The following CNTLN variants were observed in gnomAD, a reference collection of about 807,000 sequenced individuals.
The protein encoded by CNTLN is centlein, also known as centlein, centrosomal protein.
In CNTLN, 212 loss-of-function variants were observed where a neutral mutation model predicts 180.0. The observed-to-expected ratio is 1.18, with a 90% CI of 1.05 to 1.32. CNTLN has a LOEUF of 1.32. CNTLN is among the 40% of genes most tolerant of loss of function. CNTLN has a pLI of 0.00. For synonymous variants in CNTLN, 722 were observed against 563.1 expected, an observed-to-expected ratio of 1.28 and a Z score of -3.99; for missense variants, 2,095 against 1,610.9, an observed-to-expected ratio of 1.30 and a Z score of -5.14.
intron 2 of CNTLN, among the ~76,000 whole-genome samples, chr9:17,216,706 C>G (rs187850721): frequency 2.6e-5 from 4 of 152,282 alleles, no homozygotes; most frequent in African/African-American, 9.6e-5. Context: ...TATTCTCTCA[C>G]TACTGGGACC....
At chr9:17,344,157 T>A (rs1333360757) in intron 12 of CNTLN, among the ~76,000 whole-genome samples, 1 of 152,148 alleles carries the variant, frequency 6.6e-6, no homozygotes, top group Non-Finnish European at 1.5e-5. Flanking sequence ...GGAGTTTATT[T>A]TATTTGTTAA....
chr9:17,280,453 C>A (rs964612539), intron 6 of CNTLN, among the ~76,000 whole-genome samples: 1 of 151,646 alleles, frequency 6.6e-6, no homozygotes, highest in African/African-American at 2.4e-5. Context: ...TTATCTTTTT[C>A]ATTTCATTCA....
chr9:17,452,204 G>A (rs563470167), intron 18 of CNTLN, among the ~76,000 whole-genome samples: 2 of 152,190 alleles, frequency 1.3e-5, no homozygotes, highest in East Asian at 1.9e-4. Context: ...TCATTATTGG[G>A]CCTGAAGAAT....
intron 2 of CNTLN, among the ~76,000 whole-genome samples, chr9:17,186,337 T>G (rs1284512535): frequency 6.6e-6 from 1 of 152,146 alleles, no homozygotes; most frequent in African/African-American, 2.4e-5. Flanking sequence ...ACTGGGTAGT[T>G]GTCATGTTAA....
At chr9:17,384,968 C>T (rs113589000) in intron 13 of CNTLN, among the ~76,000 whole-genome samples, 34 of 152,168 alleles carry the variant, frequency 2.2e-4, no homozygotes, top group African/African-American at 7.0e-4. Context: ...ATTTTAGATC[C>T]CAGTCACAAG....
intron 20 of CNTLN, 66 bp downstream of exon 20, chr9:17,463,079 G>T (rs1278121278): frequency 4.5e-6 from 4 of 884,728 alleles, no homozygotes; most frequent in Non-Finnish European, 7.1e-6. Context: ...TCTATTAAAC[G>T]TGCTCCAAGA....
chr9:17,466,225 C>T lies in CNTLN; in HGVS notation c.3669+107C>T, dbSNP rs116080053. The stretch of plus-strand genomic sequence containing the variant: ...TTCCCAAAACCACAAGCTACTTAAA[C>T]ACTTCAGATAAGTGCAAAGAGGATT... On this transcript the variant is annotated intron_variant, in intron 22 of 25. Coordinates refer to ENST00000380647, the MANE Select transcript of CNTLN (RefSeq NM_017738.4). The T allele has an allele frequency of 6.8e-3, 6,189 of 904,880 alleles. 270 individuals carry two copies. The African/African-American group carries it at 0.094, about 14-fold the overall frequency. The allele number at this position is 904,880 out of a possible 1,614,324, so 56.1% of individuals were successfully genotyped here.
rs1193756949 is a variant in CNTLN at position 17,330,935 on chromosome 9, T to G, written c.1518+127T>G. The G allele has an allele frequency of 3.9e-6, 3 of 776,208 alleles. No individual in the cohort carries two copies. The African/African-American group carries it at 5.4e-5, about 14-fold the overall frequency. 48.1% of individuals were successfully genotyped at this position (776,208 alleles called of 1,614,324 possible). ...TTCGGGAAACTTTTGAAAAATATTA[T>G]GTACCGAACTCTTGTTAAATAAGTT... is the stretch of plus-strand genomic sequence containing the variant. On this transcript the variant is annotated intron_variant, in intron 9 of 25. Transcript: ENST00000380647.
intron 8 of CNTLN, among the ~76,000 whole-genome samples, chr9:17,310,241 T>C (rs1302253005): frequency 6.6e-6 from 1 of 152,146 alleles, no homozygotes; most frequent in African/African-American, 2.4e-5. Flanking sequence ...CCAAACTTCT[T>C]ATCATTTTGA....
chr9:17,345,199 A>G (rs1587719167), intron 12 of CNTLN, among the ~76,000 whole-genome samples: 1 of 152,084 alleles, frequency 6.6e-6, no homozygotes, highest in Non-Finnish European at 1.5e-5. Flanking sequence ...CATAACTTTT[A>G]TTTTTTAAGG....
chr9:17,198,528 T>G (rs1822289161), intron 2 of CNTLN, among the ~76,000 whole-genome samples: 1 of 150,216 alleles, frequency 6.7e-6, no homozygotes, highest in African/African-American at 2.4e-5. Context: ...TGGGATTACT[T>G]TCTTGATTTT....
chr9:17,348,751 G>C (rs1383882951), intron 12 of CNTLN, among the ~76,000 whole-genome samples: 1 of 151,946 alleles, frequency 6.6e-6, no homozygotes. Context: ...GACTGGTCTT[G>C]AGCTCTGACC....
intron 23 of CNTLN, among the ~76,000 whole-genome samples, chr9:17,482,160 C>A (rs920923416): frequency 6.6e-6 from 1 of 151,970 alleles, no homozygotes; most frequent in Non-Finnish European, 1.5e-5. Context: ...GTTCAGTCAA[C>A]TATGAGAAAA....
chr9:17,436,360 A>G (rs1375042044), intron 18 of CNTLN, among the ~76,000 whole-genome samples: 1 of 152,236 alleles, frequency 6.6e-6, no homozygotes, highest in Non-Finnish European at 1.5e-5. Context: ...TTTCCTTTTT[A>G]GAATTTGAGC....
chr9:17,344,517 G>A (rs933037845), intron 12 of CNTLN, among the ~76,000 whole-genome samples: 3 of 152,082 alleles, frequency 2.0e-5, no homozygotes, highest in African/African-American at 4.8e-5. Context: ...TGAGCGCTGT[G>A]TGATAGTCAG....
chr9:17,365,250 C>T (rs1823716558), intron 12 of CNTLN, among the ~76,000 whole-genome samples: 1 of 152,112 alleles, frequency 6.6e-6, no homozygotes. Context: ...TGTGTAGCAC[C>T]TCCCTCTGTG....
At chr9:17,335,480 G>A (rs1587691345) in intron 10 of CNTLN, among the ~76,000 whole-genome samples, 1 of 151,958 alleles carries the variant, frequency 6.6e-6, no homozygotes, top group Non-Finnish European at 1.5e-5. Context: ...TCGTACCACT[G>A]CACTCCAGCC....
chr9:17,231,447 G>C lies in CNTLN; in HGVS notation c.535-4211G>C, dbSNP rs150027366. ...TTTTTTTGGGTAAGACTATGTTTTA[G>C]CTTTGTCACTGTTATAAAACAATGT... On this transcript the variant is annotated intron_variant, in intron 3 of 25. Coordinates refer to ENST00000380647, the MANE Select transcript of CNTLN (RefSeq NM_017738.4). Among the ~76,000 whole-genome samples the C allele has an allele frequency of 5.7e-3, 866 of 151,856 alleles. 9 individuals carry two copies. Among genetic ancestry groups the C allele is most frequent in the African/African-American group, 0.02 (831 of 41,428 alleles).
chr9:17,304,366 C>G (rs1485038174), intron 7 of CNTLN, among the ~76,000 whole-genome samples: 1 of 152,080 alleles, frequency 6.6e-6, no homozygotes, highest in Non-Finnish European at 1.5e-5. Flanking sequence ...TATATCTGCA[C>G]CTTTATATAT....
Sources: allele counts gnomAD v4.1 joint callset (sites outside exome capture counted in the v4.1 genomes callset), GRCh38; gene constraint gnomAD v4.1.1; transcripts MANE v1.5; gene names NCBI Gene and HGNC (gene_info 2026-07-23, HGNC 2026-07-21).